Variants in BACH2 observed in about 807,000 individuals in gnomAD.
The protein encoded by BACH2 is BACH transcriptional regulator 2.
BACH2 carries 5 observed loss-of-function variants against 61.8 expected under a neutral mutation model. The observed-to-expected ratio is 0.08, with a 90% CI of 0.04 to 0.17. BACH2 has a LOEUF of 0.17. Among genes scored for constraint, BACH2 ranks in the 10% least tolerant of loss-of-function variants. The pLI is 1.00. For missense variants in BACH2, 824 were observed against 1,091.1 expected (o/e 0.76, Z 3.45); for synonymous variants, 446 against 440.1 (o/e 1.01, Z -0.17).
At chr6:90,128,620 T>C (rs573936715) in intron 4 of BACH2, among the ~76,000 whole-genome samples, 1 of 152,258 alleles carries the variant, frequency 6.6e-6, no homozygotes, top group East Asian at 1.9e-4. Context: ...GGTGGGACTG[T>C]AAACTAGTTC....
chr6:89,969,928 T>C (rs113106266), intron 6 of BACH2, among the ~76,000 whole-genome samples: 70 of 152,228 alleles, frequency 4.6e-4, no homozygotes, highest in Non-Finnish European at 8.1e-4. Context: ...ACCTGCTAAG[T>C]TAGAGTAAGA....
chr6:90,155,356 G>A (rs1784961756), intron 4 of BACH2, among the ~76,000 whole-genome samples: 1 of 152,202 alleles, frequency 6.6e-6, no homozygotes, highest in South Asian at 2.1e-4. Context: ...GGCAGTAGGT[G>A]TCAGCGATAT....
rs139131467 is a variant in BACH2, at chr6:90,264,246, C to T, written c.-353+7603G>A. Among the ~76,000 whole-genome samples the T allele has an allele frequency of 4.0e-3, 613 of 152,110 alleles. 4 individuals carry two copies. The highest frequency in any genetic ancestry group is 0.013 in the African/African-American group (553 of 41,502). On this transcript the variant is annotated intron_variant, in intron 2 of 8. Transcript: ENST00000257749. Reference sequence around the variant, plus strand: ...TTACTTTATAACAGGATTGTGGTTACGTAGGAAAATGTTCTTATTCTTCAG... The same window carrying T: ...TTACTTTATAACAGGATTGTGGTTATGTAGGAAAATGTTCTTATTCTTCAG...
intron 5 of BACH2, among the ~76,000 whole-genome samples, chr6:90,022,018 C>A (rs372826836): frequency 6.6e-6 from 1 of 152,160 alleles, no homozygotes; most frequent in Non-Finnish European, 1.5e-5. Flanking sequence ...GAATGGTTCT[C>A]GTAATTCAGT....
At chr6:90,044,510 T>C (rs935117776) in intron 5 of BACH2, among the ~76,000 whole-genome samples, 1 of 152,142 alleles carries the variant, frequency 6.6e-6, no homozygotes, top group Non-Finnish European at 1.5e-5. Flanking sequence ...GAAGCCAGAG[T>C]AGGCAAGTGA....
chr6:90,059,099 G>A (rs1780537291), intron 5 of BACH2, among the ~76,000 whole-genome samples: 1 of 152,178 alleles, frequency 6.6e-6, no homozygotes. Flanking sequence ...AAAAGCAATG[G>A]CAACAAAAGA....
At chr6:90,009,666 C>A (rs1777601748) in intron 5 of BACH2, among the ~76,000 whole-genome samples, 1 of 152,134 alleles carries the variant, frequency 6.6e-6, no homozygotes, top group African/African-American at 2.4e-5. Context: ...TGAAATATTT[C>A]TTTTTCTTTT....
At chr6:89,966,618 G>T (rs1233748512) in intron 6 of BACH2, among the ~76,000 whole-genome samples, 1 of 152,200 alleles carries the variant, frequency 6.6e-6, no homozygotes, top group African/African-American at 2.4e-5. Flanking sequence ...AACTGAGTTT[G>T]AATCTTTTCT....
At chr6:90,118,492 G>A (rs892039053) in intron 4 of BACH2, among the ~76,000 whole-genome samples, 2 of 152,200 alleles carry the variant, frequency 1.3e-5, no homozygotes, top group Non-Finnish European at 2.9e-5. Context: ...CAAAGATCCA[G>A]CCTCTCAGCT....
chr6:89,952,040 T>TTGTA (rs1774160304), intron 6 of BACH2, 178 bp from the exon 7 acceptor site: 2 of 708,094 alleles, frequency 2.8e-6, no homozygotes, highest in East Asian at 5.5e-5. Context: ...TTAGTGCCTG[T>TTGTA]CTCGTGCATG....
At chr6:90,086,030 T>G (rs1393642616) in intron 5 of BACH2, among the ~76,000 whole-genome samples, 1 of 152,198 alleles carries the variant, frequency 6.6e-6, no homozygotes, top group Non-Finnish European at 1.5e-5. Flanking sequence ...TTCTACTTTC[T>G]GACTCTGTAA....
At chr6:90,046,690 T>C (rs1412872817) in intron 5 of BACH2, among the ~76,000 whole-genome samples, 1 of 152,186 alleles carries the variant, frequency 6.6e-6, no homozygotes, top group Non-Finnish European at 1.5e-5. Flanking sequence ...GGAGAGTTGA[T>C]TCCATGGGCT....
At chr6:89,994,887 T>TA (rs1776763052) in intron 6 of BACH2, among the ~76,000 whole-genome samples, 1 of 152,250 alleles carries the variant, frequency 6.6e-6, no homozygotes, top group African/African-American at 2.4e-5. Context: ...TTGATATTTT[T>TA]ACTTTGCACA....
At chr6:90,100,740 C>G (rs1161972807) in intron 4 of BACH2, among the ~76,000 whole-genome samples, 1 of 151,512 alleles carries the variant, frequency 6.6e-6, no homozygotes, top group African/African-American at 2.4e-5. Flanking sequence ...CACACACACA[C>G]ACACACACAC....
rs373482432 is a variant in BACH2 at position 90,270,644 on chromosome 6, C to T, written c.-353+1205G>A. Among the ~76,000 whole-genome samples, 5 of 152,158 alleles carry T rather than the reference C, an allele frequency of 3.3e-5. No homozygotes were observed. The South Asian group carries it at 1.0e-3, about 32-fold the overall frequency. The stretch of plus-strand genomic sequence containing the variant: ...GTAGAATCAATATTATGAAAATGAC[C>T]ATACTGACAAAAGCAATCTACAGAT... On this transcript the variant is annotated intron_variant, in intron 2 of 8. Coordinates refer to ENST00000257749, the MANE Select transcript of BACH2 (RefSeq NM_021813.4).
At chr6:90,024,971 G>A (rs749517239) in intron 5 of BACH2, among the ~76,000 whole-genome samples, 1 of 152,172 alleles carries the variant, frequency 6.6e-6, no homozygotes, top group Non-Finnish European at 1.5e-5. Flanking sequence ...GGAATTAAGC[G>A]GGGTGTCCAT....
intron 3 of BACH2, among the ~76,000 whole-genome samples, chr6:90,242,027 G>C (rs896976222): frequency 2.0e-5 from 3 of 151,046 alleles, no homozygotes; most frequent in African/African-American, 7.3e-5. Context: ...CGTTTCCCCT[G>C]TTATTAACCA....
chr6:90,036,067 A>G (rs981715334), intron 5 of BACH2, among the ~76,000 whole-genome samples: 2 of 151,858 alleles, frequency 1.3e-5, no homozygotes, highest in African/African-American at 2.4e-5. Context: ...ACACCATAGA[A>G]CTGTAGCTCT....
At chr6:90,150,716 A>G (rs1463533278) in intron 4 of BACH2, among the ~76,000 whole-genome samples, 2 of 151,874 alleles carry the variant, frequency 1.3e-5, no homozygotes. Flanking sequence ...CTTGAGCCCA[A>G]GCTTCTCAGT....
Sources: allele counts gnomAD v4.1 joint callset (sites outside exome capture counted in the v4.1 genomes callset), GRCh38; gene constraint gnomAD v4.1.1; transcripts MANE v1.5; gene names NCBI Gene and HGNC (gene_info 2026-07-23, HGNC 2026-07-21).